Variants in KCNQ5 observed in about 807,000 individuals in gnomAD.
The protein encoded by KCNQ5 is potassium voltage-gated channel subfamily Q member 5.
A neutral mutation model predicts 98.2 loss-of-function variants in KCNQ5; 30 were observed. The ratio of observed to expected loss-of-function variants is 0.31; its 90% CI spans 0.23 to 0.41. The LOEUF (loss-of-function observed/expected upper bound fraction) is 0.41, where lower values mean the gene tolerates loss of function less well. KCNQ5 is among the 10% of genes least tolerant of loss of function. KCNQ5 has a pLI of 1.00. For missense variants in KCNQ5, 835 were observed against 1,182.5 expected (o/e 0.71, Z 4.31); for synonymous variants, 458 against 449.4 (o/e 1.02, Z -0.24).
intron 1 of KCNQ5, among the ~76,000 whole-genome samples, chr6:72,998,398 C>T (rs1769400778): frequency 6.6e-6 from 1 of 152,268 alleles, no homozygotes; most frequent in Middle Eastern, 3.4e-3. Flanking sequence ...ATATCTTCTT[C>T]CTGTTAGCAT....
At chr6:72,972,506 C>G (rs547592420) in intron 1 of KCNQ5, among the ~76,000 whole-genome samples, 3 of 152,038 alleles carry the variant, frequency 2.0e-5, no homozygotes, top group East Asian at 1.9e-4. Flanking sequence ...CCCCTACCCC[C>G]CAACAAGCCC....
At chr6:72,799,961 C>T (rs948382396) in intron 1 of KCNQ5, among the ~76,000 whole-genome samples, 41 of 152,168 alleles carry the variant, frequency 2.7e-4, no homozygotes, top group African/African-American at 9.9e-4. Context: ...TTTATTATAT[C>T]ATATGTTCTA....
chr6:72,982,599 C>G (rs1768524800), intron 1 of KCNQ5, among the ~76,000 whole-genome samples: 1 of 149,112 alleles, frequency 6.7e-6, no homozygotes, highest in Non-Finnish European at 1.5e-5. Flanking sequence ...CTGAATACAG[C>G]ACACTGATGG....
intron 1 of KCNQ5, among the ~76,000 whole-genome samples, chr6:72,874,679 G>T (rs1778339595): frequency 6.6e-6 from 1 of 152,048 alleles, no homozygotes; most frequent in East Asian, 1.9e-4. Context: ...CACTGTGCTT[G>T]GTACCTAACA....
intron 7 of KCNQ5, among the ~76,000 whole-genome samples, chr6:73,116,177 C>G (rs1253406816): frequency 6.6e-6 from 1 of 152,108 alleles, no homozygotes; most frequent in African/African-American, 2.4e-5. Flanking sequence ...GAACTGGGAA[C>G]AGCAGTTACA....
intron 1 of KCNQ5, among the ~76,000 whole-genome samples, chr6:72,973,411 T>C (rs1767999180): frequency 6.6e-6 from 1 of 152,158 alleles, no homozygotes; most frequent in Non-Finnish European, 1.5e-5. Flanking sequence ...TTTTGCAATT[T>C]TTTTTTTACT....
At chr6:72,815,339 G>T (rs1010194204) in intron 1 of KCNQ5, among the ~76,000 whole-genome samples, 3 of 152,112 alleles carry the variant, frequency 2.0e-5, no homozygotes, top group African/African-American at 7.2e-5. Flanking sequence ...TCGTAAGACA[G>T]GTGTAAAGTT....
chr6:72,828,604 T>C (rs1392693008), intron 1 of KCNQ5, among the ~76,000 whole-genome samples: 1 of 152,200 alleles, frequency 6.6e-6, no homozygotes, highest in Non-Finnish European at 1.5e-5. Context: ...CGTTTATCAG[T>C]ACTAAGAGTT....
At chr6:72,773,042 C>T (rs183805746) in intron 1 of KCNQ5, among the ~76,000 whole-genome samples, 5 of 152,162 alleles carry the variant, frequency 3.3e-5, no homozygotes, top group Admixed American at 6.5e-5. Flanking sequence ...CCTTGTAAAA[C>T]GCTATATTGA....
intron 1 of KCNQ5, among the ~76,000 whole-genome samples, chr6:72,760,962 C>G (rs1473534294): frequency 6.6e-6 from 1 of 152,206 alleles, no homozygotes; most frequent in East Asian, 1.9e-4. Context: ...AGCCAGATTT[C>G]ATGATATTTT....
intron 5 of KCNQ5, among the ~76,000 whole-genome samples, chr6:73,078,178 T>C (rs192360750): frequency 2.6e-5 from 4 of 151,578 alleles, no homozygotes; most frequent in African/African-American, 9.6e-5. Flanking sequence ...ATTAAAACAT[T>C]GATAGTTTGT....
chr6:72,941,662 C>A (rs1766309805), intron 1 of KCNQ5, among the ~76,000 whole-genome samples: 1 of 109,998 alleles, frequency 9.1e-6, no homozygotes, highest in African/African-American at 2.9e-5. Context: ...ACCTCCCTCC[C>A]CATCTCTTTC....
intron 1 of KCNQ5, among the ~76,000 whole-genome samples, chr6:72,748,248 G>C (rs1477409512): frequency 6.6e-6 from 1 of 152,022 alleles, no homozygotes; most frequent in Admixed American, 6.6e-5. Flanking sequence ...ACTAGAGAAA[G>C]AGATGGAATC....
At chr6:73,049,652 T>C (rs1411386665) in intron 3 of KCNQ5, among the ~76,000 whole-genome samples, 1 of 152,170 alleles carries the variant, frequency 6.6e-6, no homozygotes, top group African/African-American at 2.4e-5. Flanking sequence ...GAAAACCATA[T>C]TACATAGATT....
chr6:72,986,753 C>G, intron 1 of KCNQ5: 1 of 1,475,962 alleles, frequency 6.8e-7, no homozygotes, highest in Non-Finnish European at 9.5e-7. Flanking sequence ...GAAAACCTCC[C>G]CAGACCCCAG....
At chr6:73,050,302 G>T (rs1259374400) in intron 3 of KCNQ5, among the ~76,000 whole-genome samples, 11 of 133,128 alleles carry the variant, frequency 8.3e-5, no homozygotes, top group Non-Finnish European at 1.6e-4. Context: ...AAGGAAGGAA[G>T]GAAGGAAGGG....
At chr6:72,829,121 C>T (rs576973663) in intron 1 of KCNQ5, among the ~76,000 whole-genome samples, 1 of 152,174 alleles carries the variant, frequency 6.6e-6, no homozygotes, top group African/African-American at 2.4e-5. Flanking sequence ...TGTTTCTCCT[C>T]CCACAGTACT....
intron 1 of KCNQ5, among the ~76,000 whole-genome samples, chr6:72,854,781 T>TGC (rs1269579614): frequency 6.8e-6 from 1 of 146,308 alleles, no homozygotes; most frequent in African/African-American, 2.5e-5. Context: ...TGTGTGTGTG[T>TGC]GTGCGTGCGT....
intron 1 of KCNQ5, among the ~76,000 whole-genome samples, chr6:72,667,900 A>C (rs1381514440): frequency 6.6e-6 from 1 of 152,222 alleles, no homozygotes; most frequent in Admixed American, 6.5e-5. Context: ...TTTCAAGGTC[A>C]TGAAAGGCAA....
Sources: allele counts gnomAD v4.1 joint callset (sites outside exome capture counted in the v4.1 genomes callset), GRCh38; gene constraint gnomAD v4.1.1; transcripts MANE v1.5; gene names NCBI Gene and HGNC (gene_info 2026-07-23, HGNC 2026-07-21).